Variants in EXOC4 observed in about 807,000 individuals in gnomAD.
EXOC4 encodes the protein SEC8-like 1.
Under a neutral mutation model 107.2 loss-of-function variants are expected in EXOC4, and 71 were observed. The observed-to-expected ratio is 0.66, with a 90% CI of 0.55 to 0.81. The LOEUF (loss-of-function observed/expected upper bound fraction) is 0.81, where lower values mean the gene tolerates loss of function less well. Ranked by LOEUF, EXOC4 falls within the 30% of genes least tolerant of loss-of-function variation. The pLI, the probability that EXOC4 is intolerant of heterozygous loss-of-function variation, is 0.00. For synonymous variants in EXOC4, 456 were observed against 441.2 expected (o/e 1.03, Z -0.42); for missense variants, 1,108 against 1,189.6 (o/e 0.93, Z 1.01).
At chr7:133,900,899 T>G (rs1021738101) in intron 12 of EXOC4, among the ~76,000 whole-genome samples, 3 of 152,218 alleles carry the variant, frequency 2.0e-5, no homozygotes, top group South Asian at 2.1e-4. Flanking sequence ...AGAGAGATTC[T>G]CACTCTGTTG....
At chr7:133,348,564 G>A (rs1225180757) in intron 5 of EXOC4, among the ~76,000 whole-genome samples, 1 of 152,116 alleles carries the variant, frequency 6.6e-6, no homozygotes, top group Non-Finnish European at 1.5e-5. Context: ...TTTTTGTGAA[G>A]AGCATTTTGT....
chr7:133,679,526 A>ATCCGTCCG (rs1291475959), intron 10 of EXOC4, among the ~76,000 whole-genome samples: 3 of 45,574 alleles, frequency 6.6e-5, no homozygotes, highest in African/African-American at 1.5e-4. Context: ...CTACTGCCCC[A>ATCCGTCCG]TCCATCCGTC....
intron 9 of EXOC4, among the ~76,000 whole-genome samples, chr7:133,606,477 A>G (rs1801948110): frequency 6.6e-6 from 1 of 151,698 alleles, no homozygotes; most frequent in South Asian, 2.1e-4. Context: ...CTCTTGAGAA[A>G]CTGCTTCCTT....
chr7:133,917,957 G>A (rs928008330), intron 13 of EXOC4, among the ~76,000 whole-genome samples: 14 of 151,726 alleles, frequency 9.2e-5, no homozygotes, highest in Non-Finnish European at 1.9e-4. Flanking sequence ...AGTCAAATTT[G>A]GAACATTGCT....
chr7:134,070,014 G>A (rs1161646025), downstream of EXOC4, among the ~76,000 whole-genome samples: 1 of 151,848 alleles, frequency 6.6e-6, no homozygotes, highest in African/African-American at 2.4e-5. Context: ...CTAGCAGGAT[G>A]TGAAAACAAG....
rs368316379 is a variant in EXOC4 at position 133,317,290 on chromosome 7, C to T, written c.663C>T (p.Leu221=). ...RNKEKGKISS[L]VKDASVPLID... The stretch of plus-strand genomic sequence containing the variant: ...TGCTTCTTTTCCCGTTCAGCTCCCT[C>T]GTGAAAGATGCTTCTGTTCCTCTGA... The change falls in exon 5 of 18, where the codon CTC becomes CTT. Residue 221 remains leucine, a synonymous_variant. Transcript: ENST00000253861. The T allele has an allele frequency of 2.0e-4, 317 of 1,611,790 alleles. No individual in the cohort carries two copies. Among genetic ancestry groups the T allele is most frequent in the Non-Finnish European group, 2.4e-4 (285 of 1,178,182 alleles).
chr7:133,702,006 T>C (rs1385268239), intron 10 of EXOC4, among the ~76,000 whole-genome samples: 2 of 140,710 alleles, frequency 1.4e-5, no homozygotes, highest in East Asian at 2.1e-4. Context: ...TCTTTTTTTT[T>C]TTTTTTTTTT....
chr7:133,625,591 T>G (rs1050427888), intron 9 of EXOC4, among the ~76,000 whole-genome samples: 1 of 152,138 alleles, frequency 6.6e-6, no homozygotes, highest in Non-Finnish European at 1.5e-5. Context: ...AAGGAATAAA[T>G]AAATGTGGAA....
At chr7:133,376,038 A>G (rs1796483108) in intron 7 of EXOC4, among the ~76,000 whole-genome samples, 2 of 152,240 alleles carry the variant, frequency 1.3e-5, no homozygotes, top group Admixed American at 1.3e-4. Flanking sequence ...ACTGTGTAGG[A>G]ATGAAATTAC....
At chr7:133,760,383 G>A (rs1025351986) in intron 10 of EXOC4, among the ~76,000 whole-genome samples, 10 of 152,154 alleles carry the variant, frequency 6.6e-5, no homozygotes, top group East Asian at 5.8e-4. Context: ...GATAGACACC[G>A]TCTTAATATT....
chr7:134,092,378 C>G, the EXOC4 span, among the ~76,000 whole-genome samples: 8 of 152,080 alleles, frequency 5.3e-5, no homozygotes, highest in Admixed American at 5.2e-4. Context: ...CAGGAAAAGA[C>G]AAGTCAATAG....
chr7:133,401,741 A>C (rs927709868), intron 7 of EXOC4, among the ~76,000 whole-genome samples: 3 of 151,826 alleles, frequency 2.0e-5, no homozygotes, highest in African/African-American at 7.2e-5. Context: ...TAAGTAGTCT[A>C]TACAGTGATT....
chr7:133,998,514 A>C (rs554303123), intron 15 of EXOC4, among the ~76,000 whole-genome samples: 3 of 152,304 alleles, frequency 2.0e-5, no homozygotes, highest in Non-Finnish European at 4.4e-5. Flanking sequence ...CTGAGACAAA[A>C]TCAAGCTTGG....
At chr7:133,254,214 C>A (rs905079513) in intron 1 of EXOC4, among the ~76,000 whole-genome samples, 4 of 152,188 alleles carry the variant, frequency 2.6e-5, no homozygotes, top group Non-Finnish European at 4.4e-5. Context: ...TTACCACTCA[C>A]TGACAAAGAC....
chr7:134,066,340 T>C (rs1796177190), downstream of EXOC4: 1 of 152,102 alleles, frequency 6.6e-6, no homozygotes, highest in South Asian at 2.1e-4. Context: ...TTCTTGGAAG[T>C]AGTGGAAAGC....
chr7:133,985,132 C>T (rs1794084558), intron 14 of EXOC4, among the ~76,000 whole-genome samples: 1 of 152,058 alleles, frequency 6.6e-6, no homozygotes, highest in African/African-American at 2.4e-5. Flanking sequence ...TAAGATATTT[C>T]GGAGGAAGCA....
chr7:133,735,588 T>C (rs1039899023), intron 10 of EXOC4, among the ~76,000 whole-genome samples: 1 of 152,172 alleles, frequency 6.6e-6, no homozygotes, highest in African/African-American at 2.4e-5. Flanking sequence ...AAGAGTCTTC[T>C]TCTAGCATGA....
chr7:133,467,373 G>A (rs776416506), intron 7 of EXOC4, among the ~76,000 whole-genome samples: 3 of 151,570 alleles, frequency 2.0e-5, no homozygotes, highest in Middle Eastern at 3.4e-3. Context: ...TGTCTTGGTC[G>A]GTTGTCTCTT....
At chr7:133,800,516 A>G (rs1585154929) in intron 10 of EXOC4, among the ~76,000 whole-genome samples, 1 of 152,172 alleles carries the variant, frequency 6.6e-6, no homozygotes, top group African/African-American at 2.4e-5. Flanking sequence ...TGTTTTAATA[A>G]CATTCCTTTT....
Sources: allele counts gnomAD v4.1 joint callset (sites outside exome capture counted in the v4.1 genomes callset), GRCh38; gene constraint gnomAD v4.1.1; transcripts MANE v1.5; gene names NCBI Gene and HGNC (gene_info 2026-07-23, HGNC 2026-07-21).